ENTREP2: variants seen among roughly 807,000 people sequenced by gnomAD.
ENTREP2 encodes protein ENTREP2.
chr15:29,274,838 G>C, the ENTREP2 span, among the ~76,000 whole-genome samples: 1 of 152,196 alleles, frequency 6.6e-6, no homozygotes, highest in Non-Finnish European at 1.5e-5. Flanking sequence ...GGGAAATGAA[G>C]ACCGAAAGAG....
At chr15:29,489,527 A>G in the ENTREP2 span, among the ~76,000 whole-genome samples, 1 of 152,212 alleles carries the variant, frequency 6.6e-6, no homozygotes, top group African/African-American at 2.4e-5. Flanking sequence ...ACAAGAATGT[A>G]AGAGCAGTCC....
At chr15:29,300,946 C>A in the ENTREP2 span, among the ~76,000 whole-genome samples, 3 of 152,250 alleles carry the variant, frequency 2.0e-5, no homozygotes, top group Admixed American at 1.3e-4. Flanking sequence ...AAAATAATTT[C>A]TATACAGGTA....
At chr15:29,272,466 T>G in the ENTREP2 span, among the ~76,000 whole-genome samples, 1,900 of 142,022 alleles carry the variant, frequency 0.013, 20 homozygotes, top group Admixed American at 0.02. Context: ...TATAACTTAT[T>G]ACACTATATT....
the ENTREP2 span, among the ~76,000 whole-genome samples, chr15:29,344,007 C>T: frequency 6.6e-6 from 1 of 152,278 alleles, no homozygotes; most frequent in East Asian, 1.9e-4. Context: ...AAACATGAAC[C>T]TATATACCAT....
At chr15:29,603,395 G>A in the ENTREP2 span, among the ~76,000 whole-genome samples, 142 of 152,082 alleles carry the variant, frequency 9.3e-4, 2 homozygotes, top group Non-Finnish European at 4.4e-4. Flanking sequence ...GAACAGTTGG[G>A]GTTTTCTCAA....
At chr15:29,159,821 C>T in the ENTREP2 span, among the ~76,000 whole-genome samples, 1 of 152,222 alleles carries the variant, frequency 6.6e-6, no homozygotes, top group South Asian at 2.1e-4. Context: ...CTTAGCTAGA[C>T]ATAAAGGTTC....
At chr15:29,172,549 A>G in the ENTREP2 span, among the ~76,000 whole-genome samples, 6 of 152,162 alleles carry the variant, frequency 3.9e-5, no homozygotes, top group East Asian at 9.7e-4. Flanking sequence ...CTGGAGTGCA[A>G]TAAGTAGAGC....
chr15:29,297,276 T>C, the ENTREP2 span, among the ~76,000 whole-genome samples: 1 of 152,076 alleles, frequency 6.6e-6, no homozygotes, highest in African/African-American at 2.4e-5. Context: ...AAAAGACATA[T>C]GGAAAGCTCA....
chr15:29,523,663 G>A, the ENTREP2 span, among the ~76,000 whole-genome samples: 1 of 147,104 alleles, frequency 6.8e-6, no homozygotes, highest in Non-Finnish European at 1.5e-5. Context: ...ACAATCTTGG[G>A]AAATCAAAGT....
the ENTREP2 span, among the ~76,000 whole-genome samples, chr15:29,520,960 C>G: frequency 6.6e-6 from 1 of 152,126 alleles, no homozygotes; most frequent in Non-Finnish European, 1.5e-5. Flanking sequence ...GGGCAGAGGA[C>G]TCAATATTAT....
chr15:29,606,821 TTTTCTTTC>T, the ENTREP2 span, among the ~76,000 whole-genome samples: 15 of 151,892 alleles, frequency 9.9e-5, no homozygotes, highest in African/African-American at 2.7e-4. Context: ...GCATTGAACC[TTTTCTTTC>T]TTTCTTTCTT....
the ENTREP2 span, among the ~76,000 whole-genome samples, chr15:29,404,013 T>G: frequency 6.6e-6 from 1 of 152,238 alleles, no homozygotes; most frequent in South Asian, 2.1e-4. Flanking sequence ...CTGCCATCTC[T>G]GCTCACACCA....
the ENTREP2 span, among the ~76,000 whole-genome samples, chr15:29,174,545 C>T: frequency 9.9e-5 from 15 of 152,070 alleles, no homozygotes; most frequent in Non-Finnish European, 7.4e-5. Context: ...AAAAATTAGC[C>T]GGGCATGGTG....
chr15:29,291,119 G>C, the ENTREP2 span, among the ~76,000 whole-genome samples: 2 of 152,100 alleles, frequency 1.3e-5, no homozygotes, highest in Admixed American at 6.5e-5. Flanking sequence ...AATTCTGGGG[G>C]CCATGGAAGG....
the ENTREP2 span, among the ~76,000 whole-genome samples, chr15:29,204,207 C>A: frequency 5.8e-4 from 89 of 152,288 alleles, 1 homozygote; most frequent in African/African-American, 2.1e-3. Flanking sequence ...AATGAGGCCA[C>A]AGTAATTTTT....
At chr15:29,270,304 CTG>C in the ENTREP2 span, among the ~76,000 whole-genome samples, 141 of 152,346 alleles carry the variant, frequency 9.3e-4, no homozygotes, top group African/African-American at 3.2e-3. Context: ...CCCGTGGAGT[CTG>C]TTAAAAACCA....
chr15:29,158,019 T>C, the ENTREP2 span, among the ~76,000 whole-genome samples: 4 of 152,224 alleles, frequency 2.6e-5, no homozygotes, highest in African/African-American at 9.6e-5. Flanking sequence ...TCCCGGCCAA[T>C]AGCGACATCT....
At chr15:29,577,390 G>A in the ENTREP2 span, among the ~76,000 whole-genome samples, 1 of 150,940 alleles carries the variant, frequency 6.6e-6, no homozygotes, top group Non-Finnish European at 1.5e-5. Flanking sequence ...GTGTTACTCT[G>A]TCACCCAGGC....
chr15:29,367,765 C>T, the ENTREP2 span, among the ~76,000 whole-genome samples: 5 of 152,252 alleles, frequency 3.3e-5, no homozygotes, highest in Non-Finnish European at 7.4e-5. Flanking sequence ...TTAAAGAAAT[C>T]TCTGTCCAAT....
Sources: allele counts gnomAD v4.1 joint callset (sites outside exome capture counted in the v4.1 genomes callset), GRCh38; gene constraint gnomAD v4.1.1; transcripts MANE v1.5; gene names NCBI Gene and HGNC (gene_info 2026-07-23, HGNC 2026-07-21).